Variants in MFAP1 observed in about 807,000 individuals in gnomAD.
MFAP1 encodes the protein microfibrillar-associated protein 1.
A neutral mutation model predicts 62.2 loss-of-function variants in MFAP1; 18 were observed. That is an observed-to-expected ratio of 0.29 (90% CI 0.20 to 0.43). The LOEUF (loss-of-function observed/expected upper bound fraction) is 0.43, where lower values mean the gene tolerates loss of function less well. MFAP1 is among the 20% of genes least tolerant of loss of function. The pLI, the probability that MFAP1 is intolerant of heterozygous loss-of-function variation, is 1.00. For missense variants in MFAP1, 355 were observed against 559.7 expected (o/e 0.63, Z 3.69); for synonymous variants, 175 against 180.4 (o/e 0.97, Z 0.24).
intron 1 of MFAP1, among the ~76,000 whole-genome samples, chr15:43,818,247 C>T (rs943896590): frequency 1.3e-5 from 2 of 151,946 alleles, no homozygotes; most frequent in African/African-American, 4.8e-5. Context: ...TCTCGATCTC[C>T]TGACCTCATG....
intron 6 of MFAP1, among the ~76,000 whole-genome samples, chr15:43,811,345 G>C (rs1441277747): frequency 2.0e-5 from 3 of 149,862 alleles, no homozygotes; most frequent in African/African-American, 7.3e-5. Flanking sequence ...ACTCCCAGGG[G>C]GTGGAGGTTG....
chr15:43,809,907 T>C lies in MFAP1; in HGVS notation c.895A>G (p.Lys299Glu). Residue 299 changes from lysine (K) to glutamate (E), a missense_variant, in exon 7 of 9, where the codon AAG becomes GAG. This residue lies in a region of MFAP1 where 257 missense variants were observed against 341.3 expected (regional missense o/e 0.75). Transcript: ENST00000267812. Reference sequence around the variant, plus strand: ...ATGCGTTCAATTTCTGCTTTCTCCTTCTCAAGCCTGTCCAGGGAGCAAAAC... The same window carrying C: ...ATGCGTTCAATTTCTGCTTTCTCCTCCTCAAGCCTGTCCAGGGAGCAAAAC... ...RDREDREALE[K>E]EKAEIERMRN... The C allele has an allele frequency of 6.2e-7, 1 of 1,614,136 alleles. No individual in the cohort carries two copies. The highest frequency in any genetic ancestry group is 8.5e-7 in the Non-Finnish European group (1 of 1,180,018).
At chr15:43,820,750 C>A (rs764355201) in intron 1 of MFAP1, among the ~76,000 whole-genome samples, 1 of 152,128 alleles carries the variant, frequency 6.6e-6, no homozygotes, top group East Asian at 1.9e-4. Context: ...GGACTACAGG[C>A]GTGCAACACC....
chr15:43,815,043 C>T lies in MFAP1; in HGVS notation c.331G>A (p.Glu111Lys). 1 of 1,614,228 alleles carries T rather than the reference C, an allele frequency of 6.2e-7. No individual in the cohort carries two copies. The highest frequency in any genetic ancestry group is 8.5e-7 in the Non-Finnish European group (1 of 1,180,048). ...TCTGAGTCACTCTCTCCTACCACTT[C>T]AGGTTCCACTATTTTTCGATGTCGA... is the stretch of plus-strand genomic sequence containing the variant. ...LARHRKIVEPEVVGESDSEVE... is the reference protein window; with the variant it reads ...LARHRKIVEPKVVGESDSEVE... The change falls in exon 3 of 9, where the codon GAA (glutamate) becomes AAA (lysine). Residue 111 changes from glutamate (E) to lysine (K), a missense_variant. Glu to Lys is a moderately conservative substitution (Grantham distance 56). Transcript: ENST00000267812.
intron 4 of MFAP1, among the ~76,000 whole-genome samples, chr15:43,814,052 G>A (rs1261857315): frequency 2.0e-5 from 3 of 151,978 alleles, no homozygotes; most frequent in South Asian, 2.1e-4. Context: ...TTGGGAGTTC[G>A]AGACCAGCCT....
At chr15:43,821,550 G>T (rs1482617656) in intron 1 of MFAP1, among the ~76,000 whole-genome samples, 2 of 152,060 alleles carry the variant, frequency 1.3e-5, no homozygotes, top group African/African-American at 4.8e-5. Context: ...ACTTATATGA[G>T]AACTCGAGTA....
chr15:43,824,441 G>T (rs907494337), intron 1 of MFAP1, 50 bp downstream of exon 1: 1 of 1,596,708 alleles, frequency 6.3e-7, no homozygotes, highest in Admixed American at 1.7e-5. Flanking sequence ...GAGGTTGCTG[G>T]GGCCGGAAGG....
At chr15:43,805,617 T>A (rs1055013039) in intron 7 of MFAP1, 152 bp from the exon 8 acceptor site, 7 of 244,536 alleles carry the variant, frequency 2.9e-5, no homozygotes, top group African/African-American at 1.3e-4. Context: ...GATGACATTC[T>A]TTTTTTTTTT....
chr15:43,823,677 G>A (rs762892873), intron 1 of MFAP1, among the ~76,000 whole-genome samples: 5 of 152,102 alleles, frequency 3.3e-5, no homozygotes, highest in Non-Finnish European at 5.9e-5. Context: ...GTGCCTGGCC[G>A]CAGCACTTTT....
At chr15:43,808,886 T>G (rs1292132829) in intron 7 of MFAP1, among the ~76,000 whole-genome samples, 1 of 152,230 alleles carries the variant, frequency 6.6e-6, no homozygotes. Flanking sequence ...CCATACAGGG[T>G]TAACAGATTG....
In MFAP1 at chr15:43,805,262, T is replaced by C; in HGVS notation, c.1152A>G (p.Gly384=). The C allele has an allele frequency of 6.3e-7, 1 of 1,596,636 alleles. No homozygotes were observed. ...LPKVMQVKNF[G]RSGRTKYTHL... ...GAGTGTATTTGGTGCGACCTGAGCG[T>C]CCAAAGTTCTTGACCTGAGGGAAGG... is the stretch of plus-strand genomic sequence containing the variant. The change falls in exon 9 of 9, where the codon GGA becomes GGG. Residue 384 remains glycine, a synonymous_variant. Coordinates refer to ENST00000267812, the MANE Select transcript of MFAP1 (RefSeq NM_005926.3).
intron 4 of MFAP1, among the ~76,000 whole-genome samples, chr15:43,814,010 T>C (rs1052950739): frequency 5.9e-5 from 9 of 152,110 alleles, no homozygotes; most frequent in African/African-American, 1.4e-4. Context: ...TCCTAGCACT[T>C]TGGGAGGCTG....
At chr15:43,806,343 CTT>C (rs986225712) in intron 7 of MFAP1, among the ~76,000 whole-genome samples, 5 of 152,172 alleles carry the variant, frequency 3.3e-5, no homozygotes, top group African/African-American at 4.8e-5. Context: ...ATATCAACCT[CTT>C]CTCTTTAACT....
Position 43,809,852 on chromosome 15 carries a change from G to C in MFAP1, c.950C>G (p.Ala317Gly). The C allele has an allele frequency of 6.2e-7, 1 of 1,614,120 alleles. No individual in the cohort carries two copies. Among genetic ancestry groups the C allele is most frequent in the Non-Finnish European group, 8.5e-7 (1 of 1,180,034 alleles). ...GACTTTGCCGTTTGCCCGAAGTTCA[G>C]CTCTCCTCTCTTCCTCAGTCAGGTT... is the stretch of plus-strand genomic sequence containing the variant. ...MRNLTEEERR[A>G]ELRANGKVIT... Residue 317 changes from alanine (A) to glycine (G), a missense_variant, in exon 7 of 9, where the codon GCT becomes GGT. Ala to Gly is a moderately conservative substitution (Grantham distance 60). Coordinates refer to ENST00000267812, the MANE Select transcript of MFAP1 (RefSeq NM_005926.3).
At chr15:43,816,462 G>T (rs920908654) in intron 2 of MFAP1, among the ~76,000 whole-genome samples, 1 of 151,862 alleles carries the variant, frequency 6.6e-6, no homozygotes, top group African/African-American at 2.4e-5. Context: ...GGCCAGGCTG[G>T]TCTTGAACTC....
rs1421524654 is a variant in MFAP1 at position 43,814,400 on chromosome 15, G to T, written c.617+101C>A. ...GCACTAGCAAAAGCACTTTCACTCA[G>T]CGTTTAGATTTCAGAATAGCAAGAC... On this transcript the variant is annotated intron_variant, in intron 4 of 8. Coordinates refer to ENST00000267812, the MANE Select transcript of MFAP1 (RefSeq NM_005926.3). 6.7e-6 allele frequency: 9 copies of T among 1,343,978 alleles called. No individual in the cohort carries two copies. The African/African-American group carries it at 8.8e-5, about 13-fold the overall frequency. 83.3% of individuals were successfully genotyped at this position (1,343,978 alleles called of 1,614,324 possible).
intron 7 of MFAP1, 122 bp downstream of exon 7, chr15:43,809,633 T>C (rs967256079): frequency 2.5e-6 from 3 of 1,215,226 alleles, no homozygotes; most frequent in African/African-American, 1.5e-5. Context: ...AAAAAGCAAA[T>C]GAGAAAGCTG....
chr15:43,808,232 G>A (rs751592840), intron 7 of MFAP1, among the ~76,000 whole-genome samples: 7 of 152,220 alleles, frequency 4.6e-5, no homozygotes, highest in Non-Finnish European at 1.0e-4. Context: ...TTGAGACAAA[G>A]TCTTGGTCAG....
chr15:43,814,222 C>T (rs148575514), intron 4 of MFAP1, among the ~76,000 whole-genome samples: 156 of 152,216 alleles, frequency 1.0e-3, no homozygotes, highest in Non-Finnish European at 1.9e-3. Flanking sequence ...TGCACTCCAG[C>T]CTGGGCAACA....
Sources: gnomAD v4.1 joint callset for allele counts (sites outside exome capture counted in the v4.1 genomes callset) on GRCh38, gnomAD v4.1.1 for gene constraint, gnomAD v4.1.1 regional missense constraint, MANE v1.5 for transcripts, NCBI Gene and HGNC (gene_info 2026-07-23, HGNC 2026-07-21) for gene names.